NLRP1: variants seen among roughly 807,000 people sequenced by gnomAD.
NLRP1 encodes NACHT, LRR and PYD domains-containing protein 1.
NLRP1 carries 94 observed loss-of-function variants against 136.7 expected under a neutral mutation model. The ratio of observed to expected loss-of-function variants is 0.69; its 90% confidence interval spans 0.58 to 0.82. The LOEUF (loss-of-function observed/expected upper bound fraction) is 0.82, where lower values mean the gene tolerates loss of function less well. Among genes scored for constraint, NLRP1 ranks in the 40% least tolerant of loss-of-function variants. The probability of loss-of-function intolerance (pLI) is 0.00; values close to 1 mark genes in which losing one functional copy is unlikely to be tolerated. For synonymous variants in NLRP1, 690 were observed against 725.1 expected (o/e 0.95, Z 0.78); for missense variants, 1,575 against 1,802.7 (o/e 0.87, Z 2.29).
chr17:5,519,756 C>A (rs979734720), intron 14 of NLRP1, among the ~76,000 whole-genome samples: 2 of 150,222 alleles, frequency 1.3e-5, no homozygotes, highest in African/African-American at 4.9e-5. Flanking sequence ...CCCATAATGG[C>A]CTTTTGACTT....
chr17:5,556,626 A>ATTT (rs35933109), intron 4 of NLRP1, among the ~76,000 whole-genome samples: 1 of 146,706 alleles, frequency 6.8e-6, no homozygotes, highest in Non-Finnish European at 1.5e-5. Flanking sequence ...TTGACCACTA[A>ATTT]TTTTTTTTTT....
rs1423995866 is a variant in NLRP1 at position 5,558,347 on chromosome 17, C to G, written c.2349G>C (p.Met783Ile). 1 of 1,604,058 alleles carries G rather than the reference C, an allele frequency of 6.2e-7. No individual in the cohort carries two copies. The highest frequency in any genetic ancestry group is 1.7e-5 in the Admixed American group (1 of 58,710). Residue 783 changes from methionine to isoleucine, a missense_variant, in exon 4 of 17, where the codon ATG becomes ATC. By Grantham distance (10) the Met-to-Ile change is conservative (BLOSUM62 1). Coordinates refer to ENST00000572272, the MANE Select transcript of NLRP1 (RefSeq NM_033004.4). ...RQHRSTWSPT[M>I]VVLFRWVPVT... ...GTGGTTTGGGTACTCACAGGACTAC[C>G]ATGGTGGGGCTCCATGTTGATCTGT... is the stretch of plus-strand genomic sequence containing the variant.
rs780401839 is a variant in NLRP1 at position 5,558,358 on chromosome 17, T to C, written c.2338A>G (p.Ser780Gly). The C allele has an allele frequency of 1.2e-6, 2 of 1,608,752 alleles. No individual in the cohort carries two copies. The highest frequency in any genetic ancestry group is 3.4e-5 in the Admixed American group (2 of 59,300). Residue 780 changes from serine to glycine, a missense_variant, in exon 4 of 17, where the codon AGC becomes GGC. By Grantham distance (56) the Ser-to-Gly change is moderately conservative. Transcript: ENST00000572272. ...IEGRQHRSTW[S>G]PTMVVLFRWV... ...ACTCACAGGACTACCATGGTGGGGCTCCATGTTGATCTGTGCTGCCTGCCC... is the reference window on the plus strand; with the variant it reads ...ACTCACAGGACTACCATGGTGGGGCCCCATGTTGATCTGTGCTGCCTGCCC...
rs1597423614 is a variant in NLRP1, at chr17:5,537,346, T to C, written c.2871-406A>G. On this transcript the variant is annotated intron_variant, in intron 7 of 16. Transcript: ENST00000572272. This position sits in a 1 kb window ranked among gnomAD's most constrained non-coding sequence, Gnocchi z 4.5. Reference sequence around the variant, plus strand: ...AGGTGGCTCTCACTGGCAGAGGCTGTCTCTACAGCCGGCTGCCAGGGATTT... The same window carrying C: ...AGGTGGCTCTCACTGGCAGAGGCTGCCTCTACAGCCGGCTGCCAGGGATTT... Among the ~76,000 whole-genome samples the C allele has an allele frequency of 1.3e-5, 2 of 152,182 alleles. No homozygotes were observed. The highest frequency in any genetic ancestry group is 6.5e-5 in the Admixed American group (1 of 15,282).
Position 5,517,779 on chromosome 17 carries a change from C to T in NLRP1, c.4024G>A (p.Glu1342Lys). 3 of 1,614,226 alleles carry T rather than the reference C, an allele frequency of 1.9e-6. No homozygotes were observed. The highest frequency in any genetic ancestry group is 2.5e-6 in the Non-Finnish European group (3 of 1,180,038). The change falls in exon 15 of 17, where the codon GAG becomes AAG. Residue 1342 changes from glutamate to lysine, a missense_variant. Transcript: ENST00000572272. Reference sequence around the variant, plus strand: ...ACCAAGGCCTCCCACACCAGAGTCTCATCTTTCTTGTCTTTCACTTGCAGC... The same window carrying T: ...ACCAAGGCCTCCCACACCAGAGTCTTATCTTTCTTGTCTTTCACTTGCAGC... Reference protein sequence around the residue: ...IRLQVKDKKDETLVWEALVKP... With the variant: ...IRLQVKDKKDKTLVWEALVKP...
chr17:5,509,958 C>T (rs1452684302), downstream of NLRP1, among the ~76,000 whole-genome samples: 1 of 152,226 alleles, frequency 6.6e-6, no homozygotes, highest in Non-Finnish European at 1.5e-5. Flanking sequence ...ATGATCCCTG[C>T]TGCCCTGCAC....
chr17:5,516,774 C>T (rs1040769053), intron 15 of NLRP1, among the ~76,000 whole-genome samples: 4 of 152,168 alleles, frequency 2.6e-5, no homozygotes, highest in Admixed American at 6.5e-5. Context: ...CTGGTTAGTT[C>T]TCCATCTGTG....
intron 3 of NLRP1, among the ~76,000 whole-genome samples, chr17:5,569,330 A>C (rs1371062323): frequency 6.6e-6 from 1 of 152,212 alleles, no homozygotes; most frequent in East Asian, 1.9e-4. Context: ...CAGAGTGGCA[A>C]GTTCAATAAA....
chr17:5,542,155 C>T, intron 5 of NLRP1, 128 bp from the exon 6 acceptor site: 1 of 789,098 alleles, frequency 1.3e-6, no homozygotes, highest in Non-Finnish European at 2.0e-6. Context: ...GAAAACCCTC[C>T]CAGGCCCCAG....
In NLRP1 at chr17:5,533,954, C is replaced by T; in HGVS notation, c.2995G>A (p.Asp999Asn). Residue 999 changes from aspartate (D) to asparagine (N), a missense_variant, in exon 9 of 17, where the codon GAT (aspartate) becomes AAT (asparagine). By Grantham distance (23) the Asp-to-Asn change is conservative. Transcript: ENST00000572272. Reference sequence around the variant, plus strand: ...GTGCTATTACTCATCTCTCCCGTATCCAGGCCCTCAGTAGGGGTCATCACA... The same window carrying T: ...GTGCTATTACTCATCTCTCCCGTATTCAGGCCCTCAGTAGGGGTCATCACA... ...PSVMTPTEGL[D>N]TGEMSNSTSS... is the part of the protein sequence containing the mutation. 6.2e-7 allele frequency: 1 copy of T among 1,613,494 alleles called. No individual in the cohort carries two copies. The highest frequency in any genetic ancestry group is 8.5e-7 in the Non-Finnish European group (1 of 1,179,488).
intron 15 of NLRP1, chr17:5,503,999 C>T (rs1907217143): frequency 6.6e-6 from 1 of 152,246 alleles, no homozygotes; most frequent in South Asian, 2.1e-4. Context: ...GTATTTGCCT[C>T]TGGAAGAAAG....
At chr17:5,512,450 G>T, downstream of NLRP1, 1 of 765,936 alleles carries the variant, frequency 1.3e-6, no homozygotes, top group Non-Finnish European at 2.3e-6. Flanking sequence ...CCACGACCAG[G>T]TTTTCTACAA....
At chr17:5,518,013 A>G in intron 14 of NLRP1, 126 bp from the exon 15 acceptor site, 2 of 842,266 alleles carry the variant, frequency 2.4e-6, no homozygotes, top group East Asian at 2.5e-5. Flanking sequence ...ACTGAAATCA[A>G]CCATCACCTT....
chr17:5,518,348 T>A (rs1288471637), intron 14 of NLRP1: 1 of 162,042 alleles, frequency 6.2e-6, no homozygotes, highest in Admixed American at 5.9e-5. Context: ...CAGTAAAGGA[T>A]AGGACCATCC....
In NLRP1 at chr17:5,517,823, T is replaced by C. The variant is rs774689496; in HGVS notation, c.3980A>G (p.His1327Arg). 1.9e-6 allele frequency: 3 copies of C among 1,614,212 alleles called. No individual in the cohort carries two copies. Among genetic ancestry groups the C allele is most frequent in the Admixed American group, 1.7e-5 (1 of 60,026 alleles). The change falls in exon 15 of 17, where the codon CAC (histidine) becomes CGC (arginine). Residue 1327 changes from histidine (H) to arginine (R), a missense_variant. Coordinates refer to ENST00000572272, the MANE Select transcript of NLRP1 (RefSeq NM_033004.4). ...DQLFSEFYVG[H>R]LGSGIRLQVK... ...TTGCAGCCTGATCCCTGATCCCAAG[T>C]GGCCAACGTAGAACTCCGAGAACAG...
Position 5,514,914 on chromosome 17 carries a change from G to A in NLRP1, c.4262C>T (p.Thr1421Met), listed in dbSNP as rs746893493. Reference sequence around the variant, plus strand: ...CAGCTTCCGCATCTGGCTGGGCCTCGTGTTCTCAGCCAGCACCCTCTCGTA... The same window carrying A: ...CAGCTTCCGCATCTGGCTGGGCCTCATGTTCTCAGCCAGCACCCTCTCGTA... ...EQYERVLAEN[T>M]RPSQMRKLFS... The change falls in exon 17 of 17, where the codon ACG becomes ATG. Residue 1421 changes from threonine (T) to methionine (M), a missense_variant. Physicochemically the swap from Thr to Met is moderately conservative, Grantham distance 81. Coordinates refer to ENST00000572272, the MANE Select transcript of NLRP1 (RefSeq NM_033004.4). 6 of 1,614,132 alleles carry A rather than the reference G, an allele frequency of 3.7e-6. No individual in the cohort carries two copies. Among genetic ancestry groups the A allele is most frequent in the Non-Finnish European group, 4.2e-6 (5 of 1,180,026 alleles).
Position 5,504,782 on chromosome 17 carries a change from CT to C in NLRP1, c.4070-2911del. On this transcript the variant is annotated intron_variant, in intron 15 of 15. Coordinates refer to the NLRP1 transcript ENST00000262467. The surrounding 1 kb of genome is among the most constrained non-coding windows in gnomAD (Gnocchi z 4.4). The stretch of plus-strand genomic sequence containing the variant: ...CCATCAAAGACTGTGCCCTGTTAGC[CT>C]TTCCCAGGCCGCATTCTGGGCCTCA... 6.5e-6 allele frequency: 1 copy of C among 152,700 alleles called. No individual in the cohort carries two copies. The highest frequency in any genetic ancestry group is 1.5e-5 in the Non-Finnish European group (1 of 68,266). 9.5% of individuals were successfully genotyped at this position (152,700 alleles called of 1,614,324 possible).
At chr17:5,557,675 A>G (rs1459498317) in intron 4 of NLRP1, among the ~76,000 whole-genome samples, 2 of 152,234 alleles carry the variant, frequency 1.3e-5, no homozygotes, top group African/African-American at 4.8e-5. Context: ...TGTGATCGAT[A>G]CCACGACAGA....
chr17:5,517,712 A>G, intron 15 of NLRP1, 34 bp downstream of exon 15: 1 of 1,611,724 alleles, frequency 6.2e-7, no homozygotes, highest in Non-Finnish European at 8.5e-7. Flanking sequence ...TTCTCCTCCC[A>G]CCTCTGAGTT....
Sources: gnomAD v4.1 joint callset for allele counts (sites outside exome capture counted in the v4.1 genomes callset) on GRCh38, gnomAD v4.1.1 for gene constraint, Gnocchi (gnomAD v3.1) non-coding constraint, MANE v1.5 for transcripts, NCBI Gene and HGNC (gene_info 2026-07-23, HGNC 2026-07-21) for gene names.